Variants in MBD6 observed in about 807,000 individuals in gnomAD.
MBD6 encodes the protein methyl-CpG-binding domain protein 6.
A neutral mutation model predicts 66.8 loss-of-function variants in MBD6; 22 were observed. The observed-to-expected ratio is 0.33, with a 90% CI of 0.24 to 0.47. The LOEUF is 0.47. Among genes scored for constraint, MBD6 ranks in the 20% least tolerant of loss-of-function variants. The pLI, the probability that MBD6 is intolerant of heterozygous loss-of-function variation, is 1.00. For synonymous variants in MBD6, 540 were observed against 534.6 expected (o/e 1.01, Z -0.14); for missense variants, 1,322 against 1,286.9 (o/e 1.03, Z -0.42).
chr12:57,528,643 A>T (rs1484680981), intron 10 of MBD6, 23 bp from the exon 11 acceptor site: 1 of 1,613,686 alleles, frequency 6.2e-7, no homozygotes, highest in African/African-American at 1.3e-5. Context: ...AATTTCCCAC[A>T]CACATAGTCC....
In MBD6 at chr12:57,526,536, C is replaced by T. The variant is rs776794850; in HGVS notation, c.1421-30C>T. 2.6e-6 allele frequency: 4 copies of T among 1,513,498 alleles called. No individual in the cohort carries two copies. The South Asian group carries it at 5.4e-5, about 20-fold the overall frequency. The allele number at this position is 1,513,498 out of a possible 1,614,324, so 93.8% of individuals were successfully genotyped here. ...TTGGATGATGGGAGAAAGGGCCTCC[C>T]TTGAGCTGAATTTCTCTCCTCTTTT... On this transcript the variant is annotated intron_variant, in intron 6 of 12. Transcript: ENST00000355673.
rs752945702 is a variant in MBD6 at position 57,526,067 on chromosome 12, C to T, written c.1099C>T (p.Arg367Cys). The change falls in exon 6 of 13, where the codon CGC (arginine) becomes TGC (cysteine). Residue 367 changes from arginine to cysteine, a missense_variant. Coordinates refer to ENST00000355673, the MANE Select transcript of MBD6 (RefSeq NM_052897.4). ...SSLRPSQRRPRRPPTVFRLLE... is the reference protein window; with the variant it reads ...SSLRPSQRRPCRPPTVFRLLE... ...ACTTCGTCCCTCTCAGCGTCGTCCC[C>T]GCAGACCCCCTACTGTATTTCGATT... 1.8e-5 allele frequency: 29 copies of T among 1,613,892 alleles called. No homozygotes were observed. The East Asian group carries it at 3.1e-4, about 17-fold the overall frequency.
rs776354044 is a variant in MBD6, at chr12:57,527,142, C to T, written c.1997C>T (p.Pro666Leu). 6.6e-7 allele frequency: 1 copy of T among 1,519,006 alleles called. No homozygotes were observed. Among genetic ancestry groups the T allele is most frequent in the Admixed American group, 1.9e-5 (1 of 52,126 alleles). 94.1% of individuals were successfully genotyped at this position (1,519,006 alleles called of 1,614,324 possible). Residue 666 changes from proline to leucine, a missense_variant, in exon 7 of 13, where the codon CCA (proline) becomes CTA (leucine). By Grantham distance (98) the Pro-to-Leu change is moderately conservative (BLOSUM62 -3). Coordinates refer to ENST00000355673, the MANE Select transcript of MBD6 (RefSeq NM_052897.4). ...LGDLSPLLFP[P>L]LSAPPTLIAL... is the part of the protein sequence containing the mutation. ...GACCTGTCCCCCCTACTTTTCCCCC[C>T]ACTTTCAGCCCCCCCTACCCTCATA...
chr12:57,527,013 C>T lies in MBD6; in HGVS notation c.1868C>T (p.Ala623Val), dbSNP rs1171810463. The change falls in exon 7 of 13, where the codon GCC (alanine) becomes GTC (valine). Residue 623 changes from alanine to valine, a missense_variant. Physicochemically the swap from Ala to Val is moderately conservative, Grantham distance 64. Transcript: ENST00000355673. Reference protein sequence around the residue: ...PPSAPPSNLLASFLPLLALGP... With the variant: ...PPSAPPSNLLVSFLPLLALGP... Reference sequence around the variant, plus strand: ...TCAGCACCTCCCAGCAACCTCCTTGCCTCTTTCCTGCCCCTGTTGGCTCTG... The same window carrying T: ...TCAGCACCTCCCAGCAACCTCCTTGTCTCTTTCCTGCCCCTGTTGGCTCTG... The T allele has an allele frequency of 6.2e-7, 1 of 1,613,484 alleles. No homozygotes were observed. Among genetic ancestry groups the T allele is most frequent in the Non-Finnish European group, 8.5e-7 (1 of 1,179,730 alleles).
chr12:57,527,164 C>T lies in MBD6; in HGVS notation c.2019C>T (p.Leu673=). The part of the protein sequence containing the change: ...LFPPLSAPPT[L]IALNSALLAA... ...CCCCACTTTCAGCCCCCCCTACCCTCATAGCTTTAAATTCTGCGCTGCTGG... is the reference window on the plus strand; with the variant it reads ...CCCCACTTTCAGCCCCCCCTACCCTTATAGCTTTAAATTCTGCGCTGCTGG... The change falls in exon 7 of 13, where the codon CTC becomes CTT. Residue 673 remains leucine, a synonymous_variant. Coordinates refer to ENST00000355673, the MANE Select transcript of MBD6 (RefSeq NM_052897.4). 1 of 1,488,114 alleles carries T rather than the reference C, an allele frequency of 6.7e-7. No individual in the cohort carries two copies. The highest frequency in any genetic ancestry group is 1.3e-5 in the South Asian group (1 of 77,178). 92.2% of individuals were successfully genotyped at this position (1,488,114 alleles called of 1,614,324 possible).
intron 10 of MBD6, 42 bp downstream of exon 10, chr12:57,528,602 G>GGAAA (rs1879252035): frequency 6.2e-7 from 1 of 1,612,848 alleles, no homozygotes; most frequent in African/African-American, 1.3e-5. Context: ...GGGGCTCTGA[G>GGAAA]GAAAGGTTGG....
rs1594856024 is a variant in MBD6, at chr12:57,524,945, C to T, written c.217-8C>T. The T allele has an allele frequency of 1.2e-6, 2 of 1,600,808 alleles. No homozygotes were observed. The highest frequency in any genetic ancestry group is 8.5e-7 in the Non-Finnish European group (1 of 1,171,586). On this transcript the variant is annotated splice_region_variant and splice_polypyrimidine_tract_variant and intron_variant, in intron 4 of 12. Coordinates refer to ENST00000355673, the MANE Select transcript of MBD6 (RefSeq NM_052897.4). ...TCAGGGTCCCTGTCCTTGCTTTCCA[C>T]CTTACAGGTTTTCAACTTTGACCCT...
downstream of MBD6, among the ~76,000 whole-genome samples, chr12:57,530,937 G>A (rs1444225065): frequency 6.6e-6 from 1 of 152,182 alleles, no homozygotes; most frequent in Non-Finnish European, 1.5e-5. Context: ...TACCCTTAGA[G>A]TACATAGACC....
chr12:57,529,433 C>CCCG lies in MBD6; in HGVS notation c.*201_*202insGCC. On this transcript the variant is annotated 3_prime_UTR_variant, in exon 13 of 13. Coordinates refer to ENST00000355673, the MANE Select transcript of MBD6 (RefSeq NM_052897.4). Reference sequence around the variant, plus strand: ...AGGGAAGTTCACCCCCCCCCACCACCCCCCCGCCCCCCCGAAGCCATGTCA... The same window carrying CCCG: ...AGGGAAGTTCACCCCCCCCCACCACCCCGCCCCCGCCCCCCCGAAGCCATGTCA... The CCCG allele has an allele frequency of 3.7e-6, 2 of 542,708 alleles. No individual in the cohort carries two copies. 33.6% of individuals were successfully genotyped at this position (542,708 alleles called of 1,614,324 possible). A position where few individuals can be genotyped will look rare whatever the true frequency, so the allele number is the denominator to read the frequency against.
At chr12:57,522,418 C>A (rs1052432885), upstream of MBD6, among the ~76,000 whole-genome samples, 51 of 152,190 alleles carry the variant, frequency 3.4e-4, no homozygotes, top group Admixed American at 1.8e-3. Context: ...TCGCGACTTT[C>A]ATCTTTCGGG....
At chr12:57,527,439 T>C (rs1879076945) in intron 7 of MBD6, 68 bp from the exon 8 acceptor site, 2 of 1,555,484 alleles carry the variant, frequency 1.3e-6, no homozygotes. Flanking sequence ...AGATAGTGGA[T>C]GTGAAAGCAC....
intron 6 of MBD6, 80 bp downstream of exon 6, chr12:57,526,468 T>C: frequency 1.3e-6 from 2 of 1,515,804 alleles, no homozygotes; most frequent in Non-Finnish European, 1.8e-6. Context: ...TTCAGAGAGC[T>C]CTTTGAGGGT....
At chr12:57,521,270 C>T (rs1878320143), upstream of MBD6, 2 of 152,258 alleles carry the variant, frequency 1.3e-5, no homozygotes, top group South Asian at 4.1e-4. Context: ...CGAGATCAGC[C>T]TGACCAACAT....
intron 3 of MBD6, 138 bp from the exon 4 acceptor site, chr12:57,524,582 C>G (rs770834734): frequency 1.3e-5 from 14 of 1,054,836 alleles, no homozygotes. Flanking sequence ...TGAATCCATT[C>G]TCCCTTTTTC....
chr12:57,528,014 C>G lies in MBD6; in HGVS notation c.2403C>G (p.Leu801=), dbSNP rs1192068918. 6.5e-7 allele frequency: 1 copy of G among 1,537,374 alleles called. No individual in the cohort carries two copies. Among genetic ancestry groups the G allele is most frequent in the Non-Finnish European group, 8.7e-7 (1 of 1,146,410 alleles). ...SSPLACLLQS[L]QIPPEQPEAP... The stretch of plus-strand genomic sequence containing the variant: ...CCCTAGCCTGCCTGCTACAGAGTCT[C>G]CAGGTGAGGGTGTGGGCATATATTT... The change falls in exon 9 of 13, where the codon CTC becomes CTG. Residue 801 remains leucine (L), a synonymous_variant. Transcript: ENST00000355673.
At position 57,526,250 on chromosome 12, in the gene MBD6, G is replaced by A. The variant is rs1254104374; in HGVS notation, c.1282G>A (p.Gly428Arg). 6 of 1,613,622 alleles carry A rather than the reference G, an allele frequency of 3.7e-6. No individual in the cohort carries two copies. The highest frequency in any genetic ancestry group is 1.6e-4 in the Middle Eastern group (1 of 6,082). The change falls in exon 6 of 13, where the codon GGA (glycine) becomes AGA (arginine). Residue 428 changes from glycine to arginine, a missense_variant. Transcript: ENST00000355673. ...CACCCCTGGCCCTTCCCACTCTGATGGAAGCTTTAACCTTTTGGGGTCAGA... is the reference window on the plus strand; with the variant it reads ...CACCCCTGGCCCTTCCCACTCTGATAGAAGCTTTAACCTTTTGGGGTCAGA... ...LPTPGPSHSD[G>R]SFNLLGSDAH...
At chr12:57,524,518 T>C (rs1878702230) in intron 3 of MBD6, 102 bp downstream of exon 3, 1 of 1,161,040 alleles carries the variant, frequency 8.6e-7, no homozygotes, top group Non-Finnish European at 1.3e-6. Flanking sequence ...CCGATTGCTC[T>C]CCTCTCTTCC....
Position 57,526,369 on chromosome 12 carries a change from C to A in MBD6, c.1401C>A (p.Gly467=). The change falls in exon 6 of 13, where the codon GGC becomes GGA. Residue 467 remains glycine (G), a synonymous_variant. Coordinates refer to ENST00000355673, the MANE Select transcript of MBD6 (RefSeq NM_052897.4). ...CCTCCCTGCCTGGGACCACCAGTGG[C>A]AGCCTCAGCAGTGTGCCAGGTATGT... The part of the protein sequence containing the change: ...IQPSLPGTTS[G]SLSSVPGAPA... 6.3e-7 allele frequency: 1 copy of A among 1,595,162 alleles called. No individual in the cohort carries two copies. The highest frequency in any genetic ancestry group is 1.1e-5 in the South Asian group (1 of 87,952).
chr12:57,527,630 C>T lies in MBD6; in HGVS notation c.2206C>T (p.Leu736Phe). ...PSNSGRPPQL[L>F]SPLLGASLLG... Reference sequence around the variant, plus strand: ...CAACTCAGGGAGACCCCCCCAACTCCTTAGCCCTCTGCTGGGTGCCAGCCT... The same window carrying T: ...CAACTCAGGGAGACCCCCCCAACTCTTTAGCCCTCTGCTGGGTGCCAGCCT... Residue 736 changes from leucine (L) to phenylalanine (F), a missense_variant, in exon 8 of 13, where the codon CTT becomes TTT. Transcript: ENST00000355673. 1 of 1,608,986 alleles carries T rather than the reference C, an allele frequency of 6.2e-7. No homozygotes were observed. Among genetic ancestry groups the T allele is most frequent in the Non-Finnish European group, 8.5e-7 (1 of 1,177,688 alleles).
Sources: gnomAD v4.1 joint callset for allele counts (sites outside exome capture counted in the v4.1 genomes callset) on GRCh38, gnomAD v4.1.1 for gene constraint, MANE v1.5 for transcripts, NCBI Gene and HGNC (gene_info 2026-07-23, HGNC 2026-07-21) for gene names.